The following SHROOM3 variants were observed in gnomAD, a reference collection of about 807,000 sequenced individuals.
SHROOM3 encodes the protein shroom family member 3.
SHROOM3 carries 47 observed loss-of-function variants against 138.6 expected under a neutral mutation model. The ratio of observed to expected loss-of-function variants is 0.34; its 90% CI spans 0.27 to 0.43. The LOEUF is 0.43. Ranked by LOEUF, SHROOM3 falls within the 20% of genes least tolerant of loss-of-function variation. The pLI is 1.00. For missense variants in SHROOM3, 2,491 were observed against 2,596.5 expected (o/e 0.96, Z 0.88); for synonymous variants, 1,062 against 1,063.3 (o/e 1.00, Z 0.02).
Position 76,756,722 on chromosome 4 carries a change from G to T in SHROOM3, c.4983G>T (p.Lys1661Asn). ...AGAAAGTCAGTCCTGATCCTCAGAA[G>T]AGTTCAGAAGACATCAGAACAGAGG... ...LEKKVSPDPQ[K>N]SSEDIRTEAL... The change falls in exon 8 of 11, where the codon AAG becomes AAT. Residue 1661 changes from lysine to asparagine, a missense_variant. By Grantham distance (94) the Lys-to-Asn change is moderately conservative (BLOSUM62 0). This residue lies in a region of SHROOM3 where 470 missense variants were observed against 595.0 expected (regional missense o/e 0.79). Transcript: ENST00000296043. 5.0e-6 allele frequency: 8 copies of T among 1,614,154 alleles called. No homozygotes were observed. Among genetic ancestry groups the T allele is most frequent in the Non-Finnish European group, 6.8e-6 (8 of 1,180,028 alleles).
intron 3 of SHROOM3, among the ~76,000 whole-genome samples, chr4:76,721,191 G>A (rs1474601969): frequency 1.4e-4 from 21 of 150,470 alleles, no homozygotes; most frequent in African/African-American, 4.9e-4. Context: ...GGCGCCTGTA[G>A]TCCCAGCTAC....
chr4:76,688,767 T>C, intron 2 of SHROOM3: 1 of 985,276 alleles, frequency 1.0e-6, no homozygotes, highest in Non-Finnish European at 1.2e-6. Context: ...GAATCCAAAA[T>C]CTCTCGAAAT....
intron 2 of SHROOM3, among the ~76,000 whole-genome samples, chr4:76,681,625 G>GTGTGTGTGTGTATGTA (rs150048957): frequency 0.027 from 3,213 of 117,794 alleles, 127 homozygotes; most frequent in East Asian, 0.067. Context: ...GTGTGTGTGT[G>GTGTGTGTGTGTATGTA]TGTGTGTGTA....
At chr4:76,586,192 A>G in intron 2 of SHROOM3, 1 of 946,198 alleles carries the variant, frequency 1.1e-6, no homozygotes, top group Non-Finnish European at 1.3e-6. Context: ...GGCCGGGAGG[A>G]GGCAGTCATT....
chr4:76,497,696 A>G (rs540331356), intron 1 of SHROOM3, among the ~76,000 whole-genome samples: 1 of 152,154 alleles, frequency 6.6e-6, no homozygotes, highest in Non-Finnish European at 1.5e-5. Context: ...TGTCTCTACT[A>G]AAAATACAAA....
intron 2 of SHROOM3, among the ~76,000 whole-genome samples, chr4:76,630,683 G>C (rs937021227): frequency 2.0e-5 from 3 of 152,298 alleles, no homozygotes; most frequent in East Asian, 3.9e-4. Context: ...ACTTAAGGAA[G>C]AAGGATAAGA....
At position 76,741,016 on chromosome 4, in the gene SHROOM3, T is replaced by TGGG. The variant is rs863225433; in HGVS notation, c.2846_2848dup (p.Gly949dup). ...TCCTTTCGACGTCGAGACCTGGAGC[T>TGGG]GGGGGCGCCCGTGGCGTCGAGGTCC... On this transcript the variant is annotated inframe_insertion, in exon 5 of 11. Coordinates refer to ENST00000296043, the MANE Select transcript of SHROOM3 (RefSeq NM_020859.4). The surrounding 1 kb of genome is among the most constrained non-coding windows in gnomAD (Gnocchi z 6.2). 1 of 1,486,032 alleles carries TGGG rather than the reference T, an allele frequency of 6.7e-7. No individual in the cohort carries two copies. The highest frequency in any genetic ancestry group is 1.4e-5 in the South Asian group (1 of 70,954). The allele number at this position is 1,486,032 out of a possible 1,614,324, so 92.1% of individuals were successfully genotyped here.
intron 2 of SHROOM3, among the ~76,000 whole-genome samples, chr4:76,566,900 G>A (rs372888088): frequency 2.6e-5 from 4 of 152,224 alleles, no homozygotes; most frequent in African/African-American, 4.8e-5. Flanking sequence ...CTCATTAGTC[G>A]TTGGCAAAAT....
chr4:76,737,032 T>C (rs1417795729), intron 4 of SHROOM3, among the ~76,000 whole-genome samples: 1 of 152,228 alleles, frequency 6.6e-6, no homozygotes, highest in African/African-American at 2.4e-5. Context: ...TATAGTATCG[T>C]ACAGAATACT....
At chr4:76,729,744 A>C (rs724096) in intron 3 of SHROOM3, among the ~76,000 whole-genome samples, 22,376 of 152,142 alleles carry the variant, frequency 0.15, 2,161 homozygotes, top group African/African-American at 0.26. Context: ...CTGGTCTAGT[A>C]TTTTTCTGAT....
chr4:76,641,541 C>G (rs1013289386), intron 2 of SHROOM3, among the ~76,000 whole-genome samples: 2 of 152,202 alleles, frequency 1.3e-5, no homozygotes, highest in African/African-American at 4.8e-5. Flanking sequence ...AGCCGATGCA[C>G]GGAAGTAACA....
At chr4:76,503,217 A>G (rs1002154475) in intron 1 of SHROOM3, among the ~76,000 whole-genome samples, 3 of 143,450 alleles carry the variant, frequency 2.1e-5, no homozygotes, top group African/African-American at 7.7e-5. Context: ...TTTGGTGAAG[A>G]TTGTGATGAA....
At chr4:76,650,984 A>G (rs1735943408) in intron 2 of SHROOM3, among the ~76,000 whole-genome samples, 1 of 152,206 alleles carries the variant, frequency 6.6e-6, no homozygotes, top group South Asian at 2.1e-4. Context: ...TTGCAACAAC[A>G]TGGATGGAAC....
intron 1 of SHROOM3, among the ~76,000 whole-genome samples, chr4:76,478,924 A>G (rs1011403886): frequency 1.3e-5 from 2 of 152,156 alleles, no homozygotes; most frequent in Non-Finnish European, 2.9e-5. Flanking sequence ...AACAGAAAGG[A>G]GTAACATCAA....
rs770482470 is a variant in SHROOM3 at position 76,740,449 on chromosome 4, G to C, written c.2276G>C (p.Arg759Thr). 2 of 1,611,800 alleles carry C rather than the reference G, an allele frequency of 1.2e-6. No homozygotes were observed. Among genetic ancestry groups the C allele is most frequent in the Non-Finnish European group, 1.7e-6 (2 of 1,178,872 alleles). ...CCGCACACATCCAGTCTGGGCCGGA[G>C]GGGGCCCGGCCCAGGCAGCGCCTCG... ...SHPHTSSLGR[R>T]GPGPGSASAL... The change falls in exon 5 of 11, where the codon AGG (arginine) becomes ACG (threonine). Residue 759 changes from arginine (R) to threonine (T), a missense_variant. Transcript: ENST00000296043. This position sits in a 1 kb window ranked among gnomAD's most constrained non-coding sequence, Gnocchi z 4.0.
intron 2 of SHROOM3, among the ~76,000 whole-genome samples, chr4:76,640,616 T>C (rs1735639936): frequency 6.6e-6 from 1 of 152,218 alleles, no homozygotes; most frequent in Non-Finnish European, 1.5e-5. Flanking sequence ...ATAATATTGT[T>C]TTGTTCTTGG....
chr4:76,556,137 A>G (rs940219464), intron 2 of SHROOM3, among the ~76,000 whole-genome samples: 4 of 152,042 alleles, frequency 2.6e-5, no homozygotes, highest in African/African-American at 9.7e-5. Flanking sequence ...TGGAGCTTTC[A>G]GTGGCATTTT....
intron 3 of SHROOM3, among the ~76,000 whole-genome samples, chr4:76,722,596 C>G (rs527672460): frequency 4.6e-5 from 7 of 152,016 alleles, no homozygotes; most frequent in Non-Finnish European, 7.4e-5. Flanking sequence ...CTATATAACA[C>G]CCCCAGTCCA....
At chr4:76,732,391 G>A (rs1280141160) in intron 4 of SHROOM3, among the ~76,000 whole-genome samples, 2 of 152,138 alleles carry the variant, frequency 1.3e-5, no homozygotes, top group Non-Finnish European at 2.9e-5. Flanking sequence ...TCAAGTCAAG[G>A]GCCAAATCCT....
Sources: gnomAD v4.1 joint callset for allele counts (sites outside exome capture counted in the v4.1 genomes callset) on GRCh38, gnomAD v4.1.1 for gene constraint, gnomAD v4.1.1 regional missense constraint, Gnocchi (gnomAD v3.1) non-coding constraint, MANE v1.5 for transcripts, NCBI Gene and HGNC (gene_info 2026-07-23, HGNC 2026-07-21) for gene names.